The following DLG2 variants were observed in gnomAD, a reference collection of about 807,000 sequenced individuals.
DLG2 encodes discs large MAGUK scaffold protein 2.
DLG2 carries 45 observed loss-of-function variants against 132.5 expected under a neutral mutation model. The ratio of observed to expected loss-of-function variants is 0.34; its 90% CI spans 0.27 to 0.44. The LOEUF (loss-of-function observed/expected upper bound fraction) is 0.44, where lower values mean the gene tolerates loss of function less well. Among genes scored for constraint, DLG2 ranks in the 20% least tolerant of loss-of-function variants. The pLI, the probability that DLG2 is intolerant of heterozygous loss-of-function variation, is 1.00. For missense variants in DLG2, 1,045 were observed against 1,196.9 expected, an observed-to-expected ratio of 0.87 and a Z score of 1.87; for synonymous variants, 424 against 419.6, an observed-to-expected ratio of 1.01 and a Z score of -0.13.
chr11:83,730,403 G>A (rs2090799896), intron 18 of DLG2, among the ~76,000 whole-genome samples: 1 of 152,030 alleles, frequency 6.6e-6, no homozygotes, highest in South Asian at 2.1e-4. Context: ...ATGATTGTGG[G>A]AGACCGGAAT....
intron 6 of DLG2, among the ~76,000 whole-genome samples, chr11:84,723,742 G>A (rs1170909155): frequency 1.3e-5 from 2 of 152,100 alleles, no homozygotes; most frequent in Non-Finnish European, 2.9e-5. Flanking sequence ...GCAAGGAGAT[G>A]ACGCATTCAT....
intron 2 of DLG2, among the ~76,000 whole-genome samples, chr11:85,602,584 T>A (rs1348372649): frequency 6.6e-6 from 1 of 152,100 alleles, no homozygotes; most frequent in Non-Finnish European, 1.5e-5. Context: ...GAGGTCTCAC[T>A]ATGTTGCCCA....
At chr11:84,603,044 C>T (rs985895261) in intron 6 of DLG2, among the ~76,000 whole-genome samples, 2 of 151,872 alleles carry the variant, frequency 1.3e-5, no homozygotes, top group East Asian at 1.9e-4. Context: ...GAATAAAATA[C>T]TGAAAAATGA....
At chr11:84,945,183 A>G (rs937062058) in intron 6 of DLG2, among the ~76,000 whole-genome samples, 1 of 152,130 alleles carries the variant, frequency 6.6e-6, no homozygotes, top group African/African-American at 2.4e-5. Flanking sequence ...CCTTCTTGGG[A>G]AGGTTCTCCA....
intron 2 of DLG2, among the ~76,000 whole-genome samples, chr11:85,617,566 A>G (rs2081422986): frequency 6.6e-6 from 1 of 152,260 alleles, no homozygotes; most frequent in Admixed American, 6.5e-5. Context: ...TGCCTGGCAC[A>G]TAGCAGGCAC....
At chr11:84,313,354 A>G (rs570103475) in intron 7 of DLG2, among the ~76,000 whole-genome samples, 9 of 151,372 alleles carry the variant, frequency 5.9e-5, no homozygotes, top group Non-Finnish European at 1.2e-4. Context: ...GCCTCTAGTG[A>G]TCCACCTGCC....
intron 18 of DLG2, among the ~76,000 whole-genome samples, chr11:83,777,367 A>G (rs567835192): frequency 6.6e-6 from 1 of 152,332 alleles, no homozygotes; most frequent in East Asian, 1.9e-4. Context: ...CACATTAAAG[A>G]TGTATACTTT....
At chr11:84,063,276 G>A (rs926030668) in intron 10 of DLG2, among the ~76,000 whole-genome samples, 22 of 152,090 alleles carry the variant, frequency 1.4e-4, no homozygotes, top group Non-Finnish European at 1.6e-4. Flanking sequence ...TGTAATATCC[G>A]CAGATTAATT....
At chr11:83,631,181 T>G (rs2063496097) in intron 19 of DLG2, 1 of 150,422 alleles carries the variant, frequency 6.6e-6, no homozygotes, top group African/African-American at 2.4e-5. Flanking sequence ...TTTTTTTTTT[T>G]TTTTTTGGTC....
intron 3 of DLG2, among the ~76,000 whole-genome samples, chr11:85,449,391 T>C (rs1235440009): frequency 6.6e-6 from 1 of 152,046 alleles, no homozygotes; most frequent in African/African-American, 2.4e-5. Context: ...CTATCCTTTA[T>C]TTCATTAATT....
At chr11:84,685,767 G>T (rs1032801081) in intron 6 of DLG2, among the ~76,000 whole-genome samples, 1 of 151,798 alleles carries the variant, frequency 6.6e-6, no homozygotes, top group Non-Finnish European at 1.5e-5. Context: ...GTGCAGTGGC[G>T]CGATCTCGGC....
chr11:83,807,386 A>G (rs1478297956), intron 17 of DLG2, among the ~76,000 whole-genome samples: 1 of 152,158 alleles, frequency 6.6e-6, no homozygotes, highest in African/African-American at 2.4e-5. Flanking sequence ...AATTTAGCAC[A>G]TAGAATTGCT....
chr11:84,256,716 C>T (rs1035278933), intron 7 of DLG2, among the ~76,000 whole-genome samples: 1 of 152,160 alleles, frequency 6.6e-6, no homozygotes, highest in African/African-American at 2.4e-5. Flanking sequence ...TAGAGGGACA[C>T]AGGCCCTATA....
chr11:84,580,874 T>C (rs2099514727), intron 6 of DLG2, among the ~76,000 whole-genome samples: 1 of 152,190 alleles, frequency 6.6e-6, no homozygotes, highest in Non-Finnish European at 1.5e-5. Context: ...ATACACACGA[T>C]AAAGTATAAA....
intron 7 of DLG2, among the ~76,000 whole-genome samples, chr11:84,416,065 T>C (rs1278172758): frequency 6.6e-6 from 1 of 152,192 alleles, no homozygotes; most frequent in Non-Finnish European, 1.5e-5. Context: ...AAATTCTAAA[T>C]GTGTAGAACC....
chr11:83,786,007 T>G (rs1310975286), intron 18 of DLG2, among the ~76,000 whole-genome samples: 1 of 152,204 alleles, frequency 6.6e-6, no homozygotes, highest in Non-Finnish European at 1.5e-5. Flanking sequence ...AACCTATATA[T>G]GAATTTTCTA....
chr11:84,088,009 T>C (rs2097020155), intron 10 of DLG2, among the ~76,000 whole-genome samples: 1 of 152,244 alleles, frequency 6.6e-6, no homozygotes, highest in Non-Finnish European at 1.5e-5. Context: ...GTAGGAGTTT[T>C]ATTACACATT....
chr11:84,115,454 C>A (rs1298641483), intron 9 of DLG2, among the ~76,000 whole-genome samples: 1 of 152,170 alleles, frequency 6.6e-6, no homozygotes, highest in African/African-American at 2.4e-5. Context: ...CAACCCTGAG[C>A]ATTTTGGTTA....
Position 84,563,329 on chromosome 11 carries a change from T to C in DLG2, c.358-28598A>G, listed in dbSNP as rs78390505. Reference sequence around the variant, plus strand: ...CAAGGAACACTATGCATAGTACTATTGTGATTTATGTTGTTTATGTTTACC... The same window carrying C: ...CAAGGAACACTATGCATAGTACTATCGTGATTTATGTTGTTTATGTTTACC... On this transcript the variant is annotated intron_variant, in intron 6 of 27. Coordinates refer to ENST00000376104, the MANE Select transcript of DLG2 (RefSeq NM_001142699.3). Among the ~76,000 whole-genome samples the C allele has an allele frequency of 3.4e-3, 513 of 152,338 alleles. 5 individuals are homozygous for C. Among genetic ancestry groups the C allele is most frequent in the African/African-American group, 0.01 (429 of 41,588 alleles).
Sources: gnomAD v4.1 joint callset for allele counts (sites outside exome capture counted in the v4.1 genomes callset) on GRCh38, gnomAD v4.1.1 for gene constraint, MANE v1.5 for transcripts, NCBI Gene and HGNC (gene_info 2026-07-23, HGNC 2026-07-21) for gene names.